MYT1L: variants seen among roughly 807,000 people sequenced by gnomAD.
MYT1L encodes myelin transcription factor 1 like.
In MYT1L, 12 loss-of-function variants were observed where a neutral mutation model predicts 126.7. The observed-to-expected ratio is 0.09, with a 90% CI of 0.06 to 0.15. The LOEUF is 0.15. Ranked by LOEUF, MYT1L falls within the 10% of genes least tolerant of loss-of-function variation. The pLI is 1.00. For synonymous variants in MYT1L, 541 were observed against 604.2 expected (o/e 0.90, Z 1.53); for missense variants, 979 against 1,585.2 (o/e 0.62, Z 6.49).
intron 4 of MYT1L, among the ~76,000 whole-genome samples, chr2:2,050,650 T>C (rs958525800): frequency 6.6e-6 from 1 of 152,112 alleles, no homozygotes. Flanking sequence ...AAAGTCCTTC[T>C]TAAGTGGAGA....
At chr2:2,252,906 G>C (rs1002644528) in intron 2 of MYT1L, among the ~76,000 whole-genome samples, 2 of 152,018 alleles carry the variant, frequency 1.3e-5, no homozygotes, top group African/African-American at 4.8e-5. Context: ...TCTCCTTCAG[G>C]ACACCTTTTT....
intron 5 of MYT1L, among the ~76,000 whole-genome samples, chr2:1,980,579 C>T (rs6719252): frequency 0.041 from 6,229 of 152,104 alleles, 384 homozygotes; most frequent in African/African-American, 0.14. Flanking sequence ...ATTACAAATG[C>T]TTTTATATAT....
At chr2:2,118,218 G>A (rs2080488036) in intron 3 of MYT1L, among the ~76,000 whole-genome samples, 2 of 151,848 alleles carry the variant, frequency 1.3e-5, no homozygotes, top group South Asian at 4.1e-4. Context: ...TCAAATGAAG[G>A]TGGGAAACTG....
At chr2:2,138,626 T>C (rs1397525615) in intron 3 of MYT1L, among the ~76,000 whole-genome samples, 25 of 129,598 alleles carry the variant, frequency 1.9e-4, no homozygotes, top group African/African-American at 5.6e-4. Flanking sequence ...TTCTCACTCA[T>C]AGGTGGGAAT....
rs147281734 is a variant in MYT1L, at chr2:1,846,365, A to C, written c.2774+5276T>G. 3.3e-5 allele frequency among the ~76,000 whole-genome samples: 5 copies of C among 152,286 alleles called. No individual in the cohort carries two copies. The East Asian group carries it at 9.7e-4, about 29-fold the overall frequency. On this transcript the variant is annotated intron_variant, in intron 19 of 24. Transcript: ENST00000647738. ...ACGCTGGCATTTGGGATTATGTTTA[A>C]ATGATTAATAATTTCCTAGACAGAA...
chr2:2,233,355 G>A (rs756657274), intron 2 of MYT1L, among the ~76,000 whole-genome samples: 30 of 152,296 alleles, frequency 2.0e-4, no homozygotes, highest in African/African-American at 6.0e-4. Context: ...GGCCTGCCAC[G>A]TCTCATCTCA....
intron 4 of MYT1L, among the ~76,000 whole-genome samples, chr2:2,005,178 G>A (rs1180381689): frequency 1.3e-5 from 2 of 148,238 alleles, no homozygotes; most frequent in Admixed American, 1.3e-4. Context: ...GTTCTTTCCT[G>A]CATGTGTTTT....
chr2:2,316,526 A>G (rs568335850), intron 1 of MYT1L, among the ~76,000 whole-genome samples: 3 of 152,210 alleles, frequency 2.0e-5, no homozygotes, highest in Non-Finnish European at 4.4e-5. Flanking sequence ...AATGGCATAT[A>G]TCTCCCTGGC....
chr2:2,058,404 G>A (rs905275312), intron 3 of MYT1L, among the ~76,000 whole-genome samples: 1 of 152,184 alleles, frequency 6.6e-6, no homozygotes, highest in Admixed American at 6.5e-5. Context: ...GTGTTTTGTA[G>A]AGCAAAAGTT....
chr2:2,222,946 T>A (rs2093916955), intron 2 of MYT1L, among the ~76,000 whole-genome samples: 1 of 152,208 alleles, frequency 6.6e-6, no homozygotes, highest in African/African-American at 2.4e-5. Flanking sequence ...TTAGAATAAT[T>A]TTCATTAACT....
chr2:2,314,526 T>C (rs1281514742), intron 1 of MYT1L, among the ~76,000 whole-genome samples: 1 of 152,228 alleles, frequency 6.6e-6, no homozygotes, highest in Non-Finnish European at 1.5e-5. Flanking sequence ...ACAAATGGCT[T>C]TCCCTTCTGT....
chr2:1,813,713 TC>T (rs959430293), intron 21 of MYT1L, among the ~76,000 whole-genome samples: 15 of 152,008 alleles, frequency 9.9e-5, no homozygotes, highest in Non-Finnish European at 1.3e-4. Context: ...CCAGAAACCA[TC>T]CCACCCCTTT....
intron 8 of MYT1L, among the ~76,000 whole-genome samples, chr2:1,963,459 A>G (rs908155458): frequency 1.3e-5 from 2 of 152,238 alleles, no homozygotes; most frequent in African/African-American, 4.8e-5. Context: ...AACAAGAGAG[A>G]CAGCCTGTCC....
At chr2:2,315,600 A>C (rs1401409270) in intron 1 of MYT1L, among the ~76,000 whole-genome samples, 2 of 152,138 alleles carry the variant, frequency 1.3e-5, no homozygotes, top group African/African-American at 2.4e-5. Flanking sequence ...TATTGTTTTC[A>C]GGGTGCCTTC....
intron 22 of MYT1L, 119 bp downstream of exon 22, chr2:1,808,957 C>T (rs1394228556): frequency 3.6e-5 from 32 of 880,036 alleles, no homozygotes; most frequent in Non-Finnish European, 5.9e-5. Context: ...CCAGAATTAT[C>T]TCTGCCCCTG....
chr2:2,070,358 C>A (rs977568582), intron 3 of MYT1L, among the ~76,000 whole-genome samples: 1 of 152,196 alleles, frequency 6.6e-6, no homozygotes, highest in Admixed American at 6.5e-5. Context: ...CCTCTCACCC[C>A]ACGTGGAGGC....
At chr2:1,849,476 G>A (rs991689633) in intron 19 of MYT1L, among the ~76,000 whole-genome samples, 1 of 152,184 alleles carries the variant, frequency 6.6e-6, no homozygotes, top group Admixed American at 6.5e-5. Flanking sequence ...AATGTCATAA[G>A]CCCTCTGCTG....
Position 2,003,963 on chromosome 2 carries a change from T to A in MYT1L, c.-157-6616A>T, listed in dbSNP as rs556920827. Among the ~76,000 whole-genome samples, 3 of 151,486 alleles carry A rather than the reference T, an allele frequency of 2.0e-5. No individual in the cohort carries two copies. The South Asian group carries it at 6.2e-4, about 32-fold the overall frequency. On this transcript the variant is annotated intron_variant, in intron 4 of 24. Coordinates refer to ENST00000647738, the MANE Select transcript of MYT1L (RefSeq NM_001303052.2). ...CATGAGTTCTTTCCTGCATGCGTTC[T>A]TTCCTGCAGGCATTCTTTCCTGCAA... is the stretch of plus-strand genomic sequence containing the variant.
chr2:2,206,681 G>C (rs1450335611), intron 2 of MYT1L, among the ~76,000 whole-genome samples: 1 of 152,212 alleles, frequency 6.6e-6, no homozygotes, highest in Non-Finnish European at 1.5e-5. Flanking sequence ...AGTTAGGTTA[G>C]ATGCTACATT....
Sources: allele counts gnomAD v4.1 joint callset (sites outside exome capture counted in the v4.1 genomes callset), GRCh38; gene constraint gnomAD v4.1.1; transcripts MANE v1.5; gene names NCBI Gene and HGNC (gene_info 2026-07-23, HGNC 2026-07-21).